The following RASSF3 variants were observed in gnomAD, a reference collection of about 807,000 sequenced individuals.
The protein encoded by RASSF3 is ras association domain-containing protein 3.
A neutral mutation model predicts 19.9 loss-of-function variants in RASSF3; 19 were observed. The observed-to-expected ratio is 0.96, with a 90% CI of 0.67 to 1.40. The LOEUF (loss-of-function observed/expected upper bound fraction) is 1.40. RASSF3 is among the 40% of genes most tolerant of loss of function. The pLI, the probability that RASSF3 is intolerant of heterozygous loss-of-function variation, is 0.00. For missense variants in RASSF3, 306 were observed against 289.8 expected, an observed-to-expected ratio of 1.06 and a Z score of -0.41; for synonymous variants, 110 against 104.2, an observed-to-expected ratio of 1.06 and a Z score of -0.34.
At chr12:64,548,591 A>ATACAG (rs1869108252) in intron 2 of RASSF3, among the ~76,000 whole-genome samples, 1 of 152,150 alleles carries the variant, frequency 6.6e-6, no homozygotes, top group Admixed American at 6.5e-5. Context: ...TGTTTCCTTA[A>ATACAG]TACAGATTCT....
intron 2 of RASSF3, chr12:64,599,286 G>T (rs143468818): frequency 6.6e-6 from 1 of 152,082 alleles, no homozygotes; most frequent in Non-Finnish European, 1.5e-5. Flanking sequence ...AAAAGTTCAG[G>T]ATCTCCCTAC....
In RASSF3 at chr12:64,696,118, C is replaced by CCTCCCTCCCTCACTCA. The variant is rs1175074464; in HGVS notation, c.*1210_*1211insCTCCCTCACTCACTCC. On this transcript the variant is annotated 3_prime_UTR_variant, in exon 5 of 5. Coordinates refer to ENST00000542104, the MANE Select transcript of RASSF3 (RefSeq NM_178169.4). ...CCCTCCCTCCCTCCCTCCCTCCCTC[C>CCTCCCTCCCTCACTCA]CTCCTTCCCTCCCTCTCTCTCCCTC... 2.2e-5 allele frequency: 2 copies of CCTCCCTCCCTCACTCA among 89,830 alleles called. No homozygotes were observed. Among genetic ancestry groups the CCTCCCTCCCTCACTCA allele is most frequent in the African/African-American group, 4.9e-5 (1 of 20,408 alleles). 5.6% of individuals were successfully genotyped at this position (89,830 alleles called of 1,614,324 possible).
chr12:64,670,509 CTA>C (rs980315652), intron 1 of RASSF3, among the ~76,000 whole-genome samples: 1 of 148,452 alleles, frequency 6.7e-6, no homozygotes, highest in African/African-American at 2.5e-5. Flanking sequence ...CAGGCAGAAA[CTA>C]TTTGTCATAC....
At chr12:64,617,573 G>A (rs1189450208) in intron 1 of RASSF3, among the ~76,000 whole-genome samples, 2 of 152,032 alleles carry the variant, frequency 1.3e-5, no homozygotes, top group African/African-American at 4.8e-5. Flanking sequence ...TGATTGATTG[G>A]TTGAGACGGA....
chr12:64,589,981 G>A (rs1401872885), intron 2 of RASSF3, among the ~76,000 whole-genome samples: 1 of 141,372 alleles, frequency 7.1e-6, no homozygotes, highest in African/African-American at 2.6e-5. Flanking sequence ...CAGCCTGGGT[G>A]ACAGAGCAAG....
At chr12:64,687,349 T>A (rs1873397528) in intron 2 of RASSF3, among the ~76,000 whole-genome samples, 2 of 152,266 alleles carry the variant, frequency 1.3e-5, no homozygotes, top group African/African-American at 4.8e-5. Flanking sequence ...AAGACCAAAC[T>A]GTTATTACTG....
intron 4 of RASSF3, among the ~76,000 whole-genome samples, chr12:64,693,305 G>A (rs1441291273): frequency 2.0e-5 from 3 of 152,042 alleles, no homozygotes; most frequent in Admixed American, 6.5e-5. Context: ...TCTCCACCAG[G>A]ATCCAGGGCC....
chr12:64,655,202 C>A (rs1872112745), intron 1 of RASSF3, among the ~76,000 whole-genome samples: 1 of 152,184 alleles, frequency 6.6e-6, no homozygotes, highest in African/African-American at 2.4e-5. Context: ...ATTTAGCTGT[C>A]TGTGATGATA....
chr12:64,638,033 T>C (rs539052898), intron 1 of RASSF3, among the ~76,000 whole-genome samples: 2 of 152,056 alleles, frequency 1.3e-5, no homozygotes, highest in South Asian at 2.1e-4. Flanking sequence ...GGTTTCACCA[T>C]GTTGGCCAGG....
chr12:64,612,129 TCTC>T (rs1462742199), intron 1 of RASSF3, among the ~76,000 whole-genome samples: 1 of 152,124 alleles, frequency 6.6e-6, no homozygotes, highest in East Asian at 1.9e-4. Context: ...GGAAACGCCC[TCTC>T]CTCCCCCATG....
intron 1 of RASSF3, among the ~76,000 whole-genome samples, chr12:64,613,761 C>T (rs527555343): frequency 1.3e-5 from 2 of 151,942 alleles, no homozygotes; most frequent in Non-Finnish European, 2.9e-5. Flanking sequence ...GCCTGGACAA[C>T]ATGGTGAAAC....
upstream of RASSF3, among the ~76,000 whole-genome samples, chr12:64,607,136 T>C (rs1700725638): frequency 6.6e-6 from 1 of 151,244 alleles, no homozygotes; most frequent in South Asian, 2.1e-4. Flanking sequence ...ATATAAAAAT[T>C]AGCCAGGCCT....
chr12:64,534,918 C>T (rs1440783050), intron 1 of RASSF3, among the ~76,000 whole-genome samples: 1 of 152,152 alleles, frequency 6.6e-6, no homozygotes, highest in Non-Finnish European at 1.5e-5. Context: ...TCTAGAATAG[C>T]TTGCCTTGTA....
At chr12:64,636,439 CTG>C (rs1871332857) in intron 1 of RASSF3, among the ~76,000 whole-genome samples, 1 of 151,902 alleles carries the variant, frequency 6.6e-6, no homozygotes, top group African/African-American at 2.4e-5. Context: ...AAAAAGCAGT[CTG>C]TTATTAGTAG....
At chr12:64,522,447 G>A (rs575018418) in intron 1 of RASSF3, among the ~76,000 whole-genome samples, 21 of 152,134 alleles carry the variant, frequency 1.4e-4, no homozygotes, top group African/African-American at 4.3e-4. Flanking sequence ...GGTTAAAAAC[G>A]TTTAACCCTT....
intron 2 of RASSF3, among the ~76,000 whole-genome samples, chr12:64,549,874 CAGTCCTAAGGTTT>C (rs1280923323): frequency 6.6e-6 from 1 of 152,210 alleles, no homozygotes; most frequent in Non-Finnish European, 1.5e-5. Context: ...ACTCCTTGCA[CAGTCCTAAGGTTT>C]AGACACAATC....
At chr12:64,523,346 C>T (rs1421391512) in intron 1 of RASSF3, among the ~76,000 whole-genome samples, 2 of 152,022 alleles carry the variant, frequency 1.3e-5, no homozygotes, top group East Asian at 3.9e-4. Context: ...GTAGAGGTTG[C>T]AGTGAGCCAA....
In RASSF3 at chr12:64,610,519, TA is replaced by T; in HGVS notation, c.-112del. 2 of 367,938 alleles carry T rather than the reference TA, an allele frequency of 5.4e-6. No individual in the cohort carries two copies. Among genetic ancestry groups the T allele is most frequent in the East Asian group, 9.5e-5 (2 of 21,008 alleles). 22.8% of individuals were successfully genotyped at this position (367,938 alleles called of 1,614,324 possible). On this transcript the variant is annotated 5_prime_UTR_variant, in exon 1 of 5. Coordinates refer to ENST00000542104, the MANE Select transcript of RASSF3 (RefSeq NM_178169.4). ...TGATTGAGCGGCGGCCGCAGCTGCA[TA>T]AGGACTGCCCGGGGCTGCGCGCCGG... is the stretch of plus-strand genomic sequence containing the variant.
intron 1 of RASSF3, among the ~76,000 whole-genome samples, chr12:64,613,784 A>G (rs1332490257): frequency 1.3e-4 from 19 of 151,828 alleles, no homozygotes; most frequent in Admixed American, 1.2e-3. Flanking sequence ...TGTCTCTACA[A>G]AAAAAATGCA....
Sources: gnomAD v4.1 joint callset for allele counts (sites outside exome capture counted in the v4.1 genomes callset) on GRCh38, gnomAD v4.1.1 for gene constraint, MANE v1.5 for transcripts, NCBI Gene and HGNC (gene_info 2026-07-23, HGNC 2026-07-21) for gene names.